TDG: variants seen among roughly 807,000 people sequenced by gnomAD.
The protein encoded by TDG is G/T mismatch-specific thymine DNA glycosylase.
A neutral mutation model predicts 46.1 loss-of-function variants in TDG; 23 were observed. The observed-to-expected ratio is 0.50, with a 90% CI of 0.36 to 0.71. The LOEUF is 0.71. TDG is among the 30% of genes least tolerant of loss of function. The pLI is 0.00. For synonymous variants in TDG, 115 were observed against 161.3 expected (o/e 0.71, Z 2.18); for missense variants, 304 against 486.7 (o/e 0.62, Z 3.53).
At chr12:103,983,423 A>C in intron 7 of TDG, 34 bp downstream of exon 7, 1 of 1,469,908 alleles carries the variant, frequency 6.8e-7, no homozygotes, top group East Asian at 2.3e-5. Flanking sequence ...TAAATCAGCT[A>C]AATGTGAATT....
intron 1 of TDG, chr12:103,973,008 G>C: frequency 1.4e-6 from 1 of 700,310 alleles, no homozygotes; most frequent in Non-Finnish European, 2.6e-6. Context: ...AATTCTGAGA[G>C]TAGTAGTAAG....
At chr12:103,966,165 T>C (rs912254155) in intron 1 of TDG, 105 bp downstream of exon 1, 2 of 1,343,964 alleles carry the variant, frequency 1.5e-6, no homozygotes, top group Non-Finnish European at 1.9e-6. Context: ...CCGGCCGGAA[T>C]ACAAAGGCCG....
intron 1 of TDG, chr12:103,973,023 A>T: frequency 1.4e-6 from 1 of 702,180 alleles, no homozygotes; most frequent in Non-Finnish European, 2.6e-6. Context: ...AGTAAGAAAC[A>T]TGGGAGAGTG....
chr12:103,975,481 A>T (rs1455004420), intron 1 of TDG, among the ~76,000 whole-genome samples: 1 of 152,116 alleles, frequency 6.6e-6, no homozygotes, highest in Non-Finnish European at 1.5e-5. Flanking sequence ...GCTACATCTG[A>T]TGAGGGGCTT....
intron 1 of TDG, among the ~76,000 whole-genome samples, chr12:103,969,833 G>C (rs1264929768): frequency 6.6e-6 from 1 of 152,146 alleles, no homozygotes; most frequent in East Asian, 1.9e-4. Flanking sequence ...GCTCATTTTC[G>C]GGCTGATGAG....
At chr12:103,976,791 C>T (rs542846964) in intron 1 of TDG, 127 bp from the exon 2 acceptor site, 2 of 1,176,728 alleles carry the variant, frequency 1.7e-6, no homozygotes, top group Non-Finnish European at 2.4e-6. Context: ...GTAATCCACT[C>T]TAAATAAATA....
At chr12:103,975,308 A>G (rs1295253378) in intron 1 of TDG, among the ~76,000 whole-genome samples, 2 of 152,180 alleles carry the variant, frequency 1.3e-5, no homozygotes, top group Non-Finnish European at 2.9e-5. Context: ...TTTTTCCTTC[A>G]TAAATTCAAC....
intron 1 of TDG, among the ~76,000 whole-genome samples, chr12:103,969,634 G>C (rs1871205670): frequency 6.6e-6 from 1 of 152,210 alleles, no homozygotes; most frequent in Non-Finnish European, 1.5e-5. Context: ...CTTTTACAAA[G>C]AAGAGGCACA....
At chr12:103,972,784 T>C (rs1871341845) in intron 1 of TDG, among the ~76,000 whole-genome samples, 1 of 152,232 alleles carries the variant, frequency 6.6e-6, no homozygotes, top group Admixed American at 6.5e-5. Flanking sequence ...TCTTTATTTT[T>C]CACTTTTTAT....
rs757241235 is a variant in TDG, at chr12:103,984,804, A to G, written c.848A>G (p.Gln283Arg). 6 of 1,613,174 alleles carry G rather than the reference A, an allele frequency of 3.7e-6. No individual in the cohort carries two copies. The Admixed American group carries it at 1.0e-4, about 27-fold the overall frequency. ...AGATGTGCTCAGTTTCCTCGAGCCC[A>G]AGACAAAGTTCATTACTACATAAAA... is the stretch of plus-strand genomic sequence containing the variant. ...SARCAQFPRA[Q>R]DKVHYYIKLK... Residue 283 changes from glutamine (Q) to arginine (R), a missense_variant, in exon 8 of 10, where the codon CAA (glutamine) becomes CGA (arginine). By Grantham distance (43) the Gln-to-Arg change is conservative. Transcript: ENST00000392872.
chr12:103,984,981 TTACA>T (rs1156622071), intron 8 of TDG, 61 bp downstream of exon 8: 6 of 1,305,180 alleles, frequency 4.6e-6, no homozygotes, highest in African/African-American at 3.0e-5. Flanking sequence ...ACATATATAC[TTACA>T]TATATATACA....
At position 103,965,904 on chromosome 12, in the gene TDG, C is replaced by G. The variant is rs1229696069; in HGVS notation, c.-134C>G. 6.5e-6 allele frequency: 9 copies of G among 1,382,476 alleles called. No individual in the cohort carries two copies. The highest frequency in any genetic ancestry group is 2.5e-5 in the East Asian group (1 of 39,870). 85.6% of individuals were successfully genotyped at this position (1,382,476 alleles called of 1,614,324 possible). A position where few individuals can be genotyped will look rare whatever the true frequency, so the allele number is the denominator to read the frequency against. Reference sequence around the variant, plus strand: ...TGGAGGAGGAGCTTGAGTCCAGCCACTGTCTGGGTACTGCCAGCCATCGGG... The same window carrying G: ...TGGAGGAGGAGCTTGAGTCCAGCCAGTGTCTGGGTACTGCCAGCCATCGGG... On this transcript the variant is annotated 5_prime_UTR_variant, in exon 1 of 10. Transcript: ENST00000392872.
rs558655098 is a variant in TDG, at chr12:103,977,945, T to C, written c.166+885T>C. 5.3e-5 allele frequency among the ~76,000 whole-genome samples: 8 copies of C among 152,162 alleles called. No homozygotes were observed. In the South Asian group the frequency reaches 1.7e-3, roughly 32 times the overall value. On this transcript the variant is annotated intron_variant, in intron 2 of 9. Coordinates refer to ENST00000392872, the MANE Select transcript of TDG (RefSeq NM_003211.6). ...GGCGCACACCTGTGATTCCAGCTAC[T>C]GGGGAGGCTGAGGCACGAGAATTGC... is the stretch of plus-strand genomic sequence containing the variant.
At chr12:103,972,064 G>A (rs749242171) in intron 1 of TDG, among the ~76,000 whole-genome samples, 1 of 152,238 alleles carries the variant, frequency 6.6e-6, no homozygotes, top group East Asian at 1.9e-4. Flanking sequence ...GGTTGAAACA[G>A]GTTTATGCTG....
intron 1 of TDG, chr12:103,973,023 A>G (rs529768912): frequency 1.4e-5 from 10 of 702,180 alleles, no homozygotes; most frequent in Admixed American, 4.0e-5. Context: ...AGTAAGAAAC[A>G]TGGGAGAGTG....
chr12:103,975,062 C>CT (rs1217690976), intron 1 of TDG, among the ~76,000 whole-genome samples: 2 of 151,074 alleles, frequency 1.3e-5, no homozygotes, highest in Non-Finnish European at 3.0e-5. Context: ...TTATTTTCTA[C>CT]TGTTTTTCTT....
intron 1 of TDG, among the ~76,000 whole-genome samples, chr12:103,975,942 G>A (rs926171112): frequency 2.0e-5 from 3 of 151,800 alleles, no homozygotes; most frequent in Non-Finnish European, 4.4e-5. Context: ...GTTTACAGGT[G>A]TGAGCCACTG....
intron 8 of TDG, among the ~76,000 whole-genome samples, chr12:103,985,166 T>TAAATACAC (rs1555275233): frequency 7.2e-6 from 1 of 138,506 alleles, no homozygotes; most frequent in African/African-American, 2.6e-5. Context: ...TATAGACACA[T>TAAATACAC]ACACACACAC....
At chr12:103,978,218 G>A (rs939372449) in intron 2 of TDG, among the ~76,000 whole-genome samples, 4 of 152,078 alleles carry the variant, frequency 2.6e-5, no homozygotes, top group Non-Finnish European at 5.9e-5. Context: ...GAATTACCTA[G>A]CCATGGCTAA....
Sources: gnomAD v4.1 joint callset for allele counts (sites outside exome capture counted in the v4.1 genomes callset) on GRCh38, gnomAD v4.1.1 for gene constraint, MANE v1.5 for transcripts, NCBI Gene and HGNC (gene_info 2026-07-23, HGNC 2026-07-21) for gene names.